The following NXN variants were observed in gnomAD, a reference collection of about 807,000 sequenced individuals.
The protein encoded by NXN is nucleoredoxin 1.
In NXN, 16 loss-of-function variants were observed where a neutral mutation model predicts 48.6. The ratio of observed to expected loss-of-function variants is 0.33; its 90% CI spans 0.22 to 0.50. The LOEUF is 0.50. Among genes scored for constraint, NXN ranks in the 20% least tolerant of loss-of-function variants. The pLI, the probability that NXN is intolerant of heterozygous loss-of-function variation, is 0.98. For missense variants in NXN, 492 were observed against 605.5 expected (o/e 0.81, Z 1.97); for synonymous variants, 281 against 269.6 (o/e 1.04, Z -0.41).
chr17:958,644 G>A lies in NXN; in HGVS notation c.360+20675C>T, dbSNP rs146691751. On this transcript the variant is annotated intron_variant, in intron 1 of 7. Coordinates refer to ENST00000336868, the MANE Select transcript of NXN (RefSeq NM_022463.5). The surrounding 1 kb of genome is among the most constrained non-coding windows in gnomAD (Gnocchi z 6.9). The stretch of plus-strand genomic sequence containing the variant: ...AAATTAGCCAGGCGTGGTGGCGTGC[G>A]CCTGTAGTCCCAGCTACTCAGGAGG... Among the ~76,000 whole-genome samples the A allele has an allele frequency of 5.1e-3, 774 of 152,208 alleles. 8 individuals carry two copies. Among genetic ancestry groups the A allele is most frequent in the African/African-American group, 0.016 (667 of 41,524 alleles).
intron 7 of NXN, among the ~76,000 whole-genome samples, chr17:802,538 C>T (rs1299576388): frequency 6.6e-6 from 1 of 152,216 alleles, no homozygotes; most frequent in East Asian, 1.9e-4. Flanking sequence ...AGGCCGCCCC[C>T]GCCCGTGCCC....
At chr17:891,688 G>A (rs1386521893) in intron 1 of NXN, among the ~76,000 whole-genome samples, 3 of 152,128 alleles carry the variant, frequency 2.0e-5, no homozygotes, top group Non-Finnish European at 2.9e-5. Context: ...AGTAACCTAA[G>A]CTAACCTCAC....
intron 1 of NXN, among the ~76,000 whole-genome samples, chr17:924,517 A>G (rs991048444): frequency 6.6e-6 from 1 of 152,224 alleles, no homozygotes; most frequent in Non-Finnish European, 1.5e-5. Flanking sequence ...GATTACAGGG[A>G]TGAGCCACTG....
intron 1 of NXN, among the ~76,000 whole-genome samples, chr17:845,318 A>G (rs543374007): frequency 1.3e-5 from 2 of 151,890 alleles, no homozygotes; most frequent in South Asian, 4.2e-4. Flanking sequence ...TCCTACCATC[A>G]TCACCCTTAG....
At chr17:843,372 C>T (rs2067822381) in intron 1 of NXN, among the ~76,000 whole-genome samples, 2 of 152,184 alleles carry the variant, frequency 1.3e-5, no homozygotes, top group South Asian at 4.1e-4. Context: ...GGAGCACAAA[C>T]GGCATATGGC....
At chr17:846,876 A>G (rs11650454) in intron 1 of NXN, among the ~76,000 whole-genome samples, 5,898 of 151,894 alleles carry the variant, frequency 0.039, 295 homozygotes, top group East Asian at 0.24. Context: ...GTGGGGGTGG[A>G]GGGGTACAAT....
intron 1 of NXN, among the ~76,000 whole-genome samples, chr17:896,371 C>T (rs2068486140): frequency 6.7e-6 from 1 of 150,162 alleles, no homozygotes; most frequent in African/African-American, 2.5e-5. Context: ...GTAAGCAAGG[C>T]ATGGTGGCGT....
At chr17:867,401 G>C (rs1008508759) in intron 1 of NXN, among the ~76,000 whole-genome samples, 2 of 152,078 alleles carry the variant, frequency 1.3e-5, no homozygotes, top group Non-Finnish European at 2.9e-5. Flanking sequence ...AAGTTCTCGG[G>C]GTTCTCCAGG....
At chr17:845,179 TGAGAGAGAATTCCACCCTTCTAGA>T (rs1341398103) in intron 1 of NXN, among the ~76,000 whole-genome samples, 1 of 151,244 alleles carries the variant, frequency 6.6e-6, no homozygotes, top group East Asian at 1.9e-4. Context: ...GAATTGAGAG[TGAGAGAGAATTCCACCCTTCTAGA>T]GAGAATTCCA....
rs1179410715 is a variant in NXN at position 979,177 on chromosome 17, G to A, written c.360+142C>T. The A allele has an allele frequency of 1.6e-5, 4 of 257,496 alleles. No homozygotes were observed. In the African/African-American group the frequency reaches 1.6e-4, roughly 10 times the overall value. The allele number at this position is 257,496 out of a possible 1,614,324, so 16.0% of individuals were successfully genotyped here. Reference sequence around the variant, plus strand: ...GAGGACAGTGGGTCGGGGGGCGGGGGACTGGGGGCAGGGGTCGGGGGGTGG... The same window carrying A: ...GAGGACAGTGGGTCGGGGGGCGGGGAACTGGGGGCAGGGGTCGGGGGGTGG... On this transcript the variant is annotated intron_variant, in intron 1 of 7. Coordinates refer to ENST00000336868, the MANE Select transcript of NXN (RefSeq NM_022463.5).
intron 1 of NXN, among the ~76,000 whole-genome samples, chr17:962,896 G>T (rs865912156): frequency 1.3e-5 from 2 of 152,110 alleles, no homozygotes; most frequent in Non-Finnish European, 2.9e-5. Flanking sequence ...GTCCTAGAGG[G>T]GCCCCTCTCT....
chr17:886,670 C>G (rs2068351539), intron 1 of NXN, among the ~76,000 whole-genome samples: 2 of 151,866 alleles, frequency 1.3e-5, no homozygotes, highest in African/African-American at 4.8e-5. Flanking sequence ...CCCAGCTACT[C>G]AGGAGACTGA....
chr17:897,095 C>T, intron 1 of NXN: 2 of 1,031,180 alleles, frequency 1.9e-6, no homozygotes, highest in Non-Finnish European at 2.4e-6. Flanking sequence ...AACCCACGGC[C>T]ACCGCGCCCA....
intron 1 of NXN, among the ~76,000 whole-genome samples, chr17:892,818 G>A (rs1474791771): frequency 6.6e-6 from 1 of 152,208 alleles, no homozygotes; most frequent in Non-Finnish European, 1.5e-5. Flanking sequence ...CATTCATTAT[G>A]CATTCGTCAG....
At chr17:929,679 C>T (rs2068834675) in intron 1 of NXN, 1 of 152,144 alleles carries the variant, frequency 6.6e-6, no homozygotes, top group Non-Finnish European at 1.5e-5. Flanking sequence ...TCCCTCAATC[C>T]CTGGAGGCGG....
chr17:964,383 A>C (rs1300390932), intron 1 of NXN, among the ~76,000 whole-genome samples: 1 of 152,226 alleles, frequency 6.6e-6, no homozygotes, highest in Non-Finnish European at 1.5e-5. Context: ...AAGGGCTTCA[A>C]AAAGCGCTTC....
At chr17:955,405 G>A (rs1199202765) in intron 1 of NXN, among the ~76,000 whole-genome samples, 1 of 150,506 alleles carries the variant, frequency 6.6e-6, no homozygotes, top group African/African-American at 2.4e-5. Flanking sequence ...CCTGACCTCA[G>A]GTGATCCACC....
chr17:834,668 C>T (rs1913691583), intron 1 of NXN, among the ~76,000 whole-genome samples: 1 of 151,206 alleles, frequency 6.6e-6, no homozygotes, highest in Non-Finnish European at 1.5e-5. Flanking sequence ...TACAGGCGCC[C>T]ACCACCACGC....
intron 5 of NXN, among the ~76,000 whole-genome samples, chr17:816,068 C>T (rs1337269868): frequency 6.6e-6 from 1 of 152,156 alleles, no homozygotes; most frequent in Non-Finnish European, 1.5e-5. Context: ...GGGCAGGACA[C>T]GGCGCTCGGT....
Sources: gnomAD v4.1 joint callset for allele counts (sites outside exome capture counted in the v4.1 genomes callset) on GRCh38, gnomAD v4.1.1 for gene constraint, Gnocchi (gnomAD v3.1) non-coding constraint, MANE v1.5 for transcripts, NCBI Gene and HGNC (gene_info 2026-07-23, HGNC 2026-07-21) for gene names.